The following ROR2 variants were observed in gnomAD, a reference collection of about 807,000 sequenced individuals.
The protein encoded by ROR2 is ROR family WNT receptor 2.
In ROR2, 33 loss-of-function variants were observed where a neutral mutation model predicts 74.9. The ratio of observed to expected loss-of-function variants is 0.44; its 90% confidence interval spans 0.33 to 0.59. ROR2 has a LOEUF of 0.59. Ranked by LOEUF, ROR2 falls within the 20% of genes least tolerant of loss-of-function variation. The pLI is 0.02. For synonymous variants in ROR2, 586 were observed against 558.7 expected (o/e 1.05, Z -0.69); for missense variants, 1,216 against 1,313.8 (o/e 0.93, Z 1.15).
intron 1 of ROR2, among the ~76,000 whole-genome samples, chr9:91,825,537 C>G (rs1828259842): frequency 6.6e-6 from 1 of 152,200 alleles, no homozygotes; most frequent in Non-Finnish European, 1.5e-5. Context: ...ACAGGAACAT[C>G]TGCCTGAGAC....
chr9:91,840,193 G>C (rs1828739358), intron 1 of ROR2, among the ~76,000 whole-genome samples: 1 of 152,154 alleles, frequency 6.6e-6, no homozygotes, highest in Non-Finnish European at 1.5e-5. Context: ...CAGAGCGGAG[G>C]GACCCGGGAG....
chr9:91,833,960 C>T (rs1038223960), intron 1 of ROR2, among the ~76,000 whole-genome samples: 3 of 152,154 alleles, frequency 2.0e-5, no homozygotes, highest in Admixed American at 2.0e-4. Flanking sequence ...CCTCAAGCAC[C>T]CACAGGCTGA....
chr9:91,845,877 C>CAAAAAAAAAA (rs5899143), intron 1 of ROR2, among the ~76,000 whole-genome samples: 23 of 33,898 alleles, frequency 6.8e-4, no homozygotes, highest in African/African-American at 1.2e-3. Context: ...GAATCCATCT[C>CAAAAAAAAAA]AAAAAAAAAA....
chr9:91,820,161 T>A (rs903639004), intron 1 of ROR2, among the ~76,000 whole-genome samples: 16 of 152,218 alleles, frequency 1.1e-4, no homozygotes. Flanking sequence ...CTTTATTACA[T>A]GTCCATGTTT....
intron 7 of ROR2, among the ~76,000 whole-genome samples, chr9:91,728,459 C>A (rs1837119303): frequency 6.6e-6 from 1 of 152,154 alleles, no homozygotes; most frequent in Non-Finnish European, 1.5e-5. Context: ...GAGATGGAGT[C>A]TCGCTCTATC....
At chr9:91,934,266 T>C (rs1465040482) in intron 1 of ROR2, among the ~76,000 whole-genome samples, 1 of 152,234 alleles carries the variant, frequency 6.6e-6, no homozygotes, top group African/African-American at 2.4e-5. Flanking sequence ...ACTGTTCTGA[T>C]AGAAAATTAA....
At chr9:91,840,424 C>A (rs1420985665) in intron 1 of ROR2, among the ~76,000 whole-genome samples, 1 of 152,194 alleles carries the variant, frequency 6.6e-6, no homozygotes, top group Non-Finnish European at 1.5e-5. Context: ...GCCCACCATA[C>A]CCAATTGCTT....
chr9:91,860,852 T>C (rs2119298686), intron 1 of ROR2, among the ~76,000 whole-genome samples: 1 of 152,334 alleles, frequency 6.6e-6, no homozygotes, highest in Non-Finnish European at 1.5e-5. Context: ...CCAAAGGTAA[T>C]GCTCTACCAT....
rs547359309 is a variant in ROR2, at chr9:91,724,141, G to A, written c.2353C>T (p.Arg785Cys). ...TSPVSNVSNA[R>C]YVGPKQKAPP... Reference sequence around the variant, plus strand: ...GCCTTCTGCTTGGGCCCCACGTAGCGGGCGTTGCTCACATTGCTCACTGGG... The same window carrying A: ...GCCTTCTGCTTGGGCCCCACGTAGCAGGCGTTGCTCACATTGCTCACTGGG... Residue 785 changes from arginine to cysteine, a missense_variant, in exon 9 of 9, where the codon CGC becomes TGC. Physicochemically the swap from Arg to Cys is radical, Grantham distance 180 (BLOSUM62 -3). Coordinates refer to ENST00000375708, the MANE Select transcript of ROR2 (RefSeq NM_004560.4). 6.2e-5 allele frequency: 100 copies of A among 1,611,316 alleles called. No homozygotes were observed. The South Asian group carries it at 6.3e-4, about 10-fold the overall frequency.
At chr9:91,824,767 C>T (rs904800793) in intron 1 of ROR2, among the ~76,000 whole-genome samples, 1 of 152,132 alleles carries the variant, frequency 6.6e-6, no homozygotes, top group African/African-American at 2.4e-5. Flanking sequence ...CTCTCCCAGG[C>T]GGGACATGGA....
chr9:91,760,150 G>T (rs775112571), intron 2 of ROR2, among the ~76,000 whole-genome samples: 23 of 152,156 alleles, frequency 1.5e-4, no homozygotes, highest in Non-Finnish European at 2.6e-4. Context: ...AGTGTTCTTT[G>T]CTGTCTCTCA....
chr9:91,926,169 C>G lies in ROR2; in HGVS notation c.97+23698G>C, dbSNP rs958575575. Among the ~76,000 whole-genome samples, 7 of 151,808 alleles carry G rather than the reference C, an allele frequency of 4.6e-5. No homozygotes were observed. The South Asian group carries it at 1.5e-3, about 32-fold the overall frequency. ...GGCCGAGGCGGGAGGATCATGAGGT[C>G]AGGAGATCGAGACCATCCTGGCTAA... On this transcript the variant is annotated intron_variant, in intron 1 of 8. Transcript: ENST00000375708.
At chr9:91,929,588 G>A (rs1196111362) in intron 1 of ROR2, among the ~76,000 whole-genome samples, 2 of 152,202 alleles carry the variant, frequency 1.3e-5, no homozygotes, top group African/African-American at 4.8e-5. Context: ...TGGTCCCCAC[G>A]GGCATTCTTT....
intron 1 of ROR2, among the ~76,000 whole-genome samples, chr9:91,937,955 T>C (rs1339257938): frequency 1.3e-5 from 2 of 152,186 alleles, no homozygotes; most frequent in Non-Finnish European, 2.9e-5. Flanking sequence ...TGACTGCAAG[T>C]GACCCTCCCA....
chr9:91,927,665 G>C (rs1389055626), intron 1 of ROR2, among the ~76,000 whole-genome samples: 2 of 146,066 alleles, frequency 1.4e-5, no homozygotes, highest in Non-Finnish European at 3.0e-5. Context: ...CCAGGTTCAA[G>C]CAATTCTCCT....
chr9:91,910,668 C>CT (rs59785963), intron 1 of ROR2, among the ~76,000 whole-genome samples: 2,402 of 147,152 alleles, frequency 0.016, 65 homozygotes, highest in African/African-American at 0.053. Context: ...ATATGTAATA[C>CT]TTTTTTTTTT....
At chr9:91,756,881 G>A (rs1187698745) in intron 3 of ROR2, among the ~76,000 whole-genome samples, 3 of 151,260 alleles carry the variant, frequency 2.0e-5, no homozygotes, top group Non-Finnish European at 1.5e-5. Flanking sequence ...CTCCTGAGTA[G>A]CTGGGATTAC....
At position 91,918,313 on chromosome 9, in the gene ROR2, G is replaced by A. The variant is rs868836217; in HGVS notation, c.97+31554C>T. Among the ~76,000 whole-genome samples the A allele has an allele frequency of 5.3e-5, 8 of 151,020 alleles. No homozygotes were observed. The South Asian group carries it at 1.5e-3, about 28-fold the overall frequency. On this transcript the variant is annotated intron_variant, in intron 1 of 8. Transcript: ENST00000375708. ...TGAAGGGCACAGGGCCAGAGGTCAA[G>A]TTCTCCCACTTAACAGACTTGCAAA...
At chr9:91,924,004 T>A (rs1215697096) in intron 1 of ROR2, 1 of 152,282 alleles carries the variant, frequency 6.6e-6, no homozygotes, top group African/African-American at 2.4e-5. Flanking sequence ...TTCTCATGCA[T>A]CCCAATTGCA....
Sources: allele counts gnomAD v4.1 joint callset (sites outside exome capture counted in the v4.1 genomes callset), GRCh38; gene constraint gnomAD v4.1.1; transcripts MANE v1.5; gene names NCBI Gene and HGNC (gene_info 2026-07-23, HGNC 2026-07-21).